PATJ: variants seen among roughly 807,000 people sequenced by gnomAD.
PATJ encodes the protein inaD-like protein.
PATJ carries 190 observed loss-of-function variants against 224.9 expected under a neutral mutation model. The ratio of observed to expected loss-of-function variants is 0.84; its 90% confidence interval spans 0.75 to 0.95. The LOEUF is 0.95. PATJ is among the 40% of genes least tolerant of loss of function. The pLI, the probability that PATJ is intolerant of heterozygous loss-of-function variation, is 0.00. For synonymous variants in PATJ, 769 were observed against 820.3 expected (o/e 0.94, Z 1.07); for missense variants, 2,121 against 2,270.3 (o/e 0.93, Z 1.34).
At chr1:61,978,223 T>TCCCTCCCTC (rs1644252145) in intron 27 of PATJ, among the ~76,000 whole-genome samples, 2 of 101,294 alleles carry the variant, frequency 2.0e-5, no homozygotes, top group Non-Finnish European at 3.9e-5. Flanking sequence ...CTTCCTTCCT[T>TCCCTCCCTC]CCTCCCTCCC....
chr1:62,108,831 C>T (rs1663449398), intron 34 of PATJ, among the ~76,000 whole-genome samples: 1 of 152,148 alleles, frequency 6.6e-6, no homozygotes, highest in African/African-American at 2.4e-5. Flanking sequence ...TTATACCCTA[C>T]TAAATTCCTC....
intron 8 of PATJ, among the ~76,000 whole-genome samples, chr1:61,790,587 C>T (rs990409839): frequency 7.0e-6 from 1 of 143,254 alleles, no homozygotes; most frequent in African/African-American, 2.6e-5. Context: ...GATCTCGGCT[C>T]ACTGCAACCT....
intron 31 of PATJ, among the ~76,000 whole-genome samples, chr1:62,066,727 C>T (rs1171016137): frequency 6.6e-6 from 1 of 152,108 alleles, no homozygotes; most frequent in East Asian, 1.9e-4. Flanking sequence ...TGACGCAAGA[C>T]CAGCCCATGC....
intron 31 of PATJ, among the ~76,000 whole-genome samples, chr1:62,057,404 A>G (rs1654729191): frequency 6.6e-6 from 1 of 152,146 alleles, no homozygotes; most frequent in Non-Finnish European, 1.5e-5. Context: ...CATGTTAAGC[A>G]CTGTGATCTC....
chr1:62,071,595 G>C (rs891895968), intron 31 of PATJ, among the ~76,000 whole-genome samples: 1 of 149,024 alleles, frequency 6.7e-6, no homozygotes, highest in African/African-American at 2.5e-5. Context: ...CCAGGTAAAA[G>C]CAATTCTTCT....
intron 28 of PATJ, among the ~76,000 whole-genome samples, chr1:62,012,099 A>C (rs1646485340): frequency 6.6e-6 from 1 of 151,998 alleles, no homozygotes; most frequent in Admixed American, 6.6e-5. Flanking sequence ...CATGTGTTGT[A>C]GTGACCTGGT....
chr1:62,078,785 A>C (rs1458228270), intron 31 of PATJ: 1 of 151,028 alleles, frequency 6.6e-6, no homozygotes, highest in Non-Finnish European at 1.5e-5. Context: ...TTCATCAAGC[A>C]CTTTATTGAG....
intron 7 of PATJ, among the ~76,000 whole-genome samples, chr1:61,776,747 A>G (rs1646933978): frequency 1.4e-5 from 2 of 147,120 alleles, no homozygotes; most frequent in South Asian, 4.3e-4. Context: ...TTTTTTTGAG[A>G]TGGAGTCTCG....
In PATJ at chr1:62,158,529, C is replaced by T. The variant is rs188799817; in HGVS notation, c.5503-2379C>T. On this transcript the variant is annotated intron_variant, in intron 43 of 43. Coordinates refer to ENST00000642238, the MANE Select transcript of PATJ (RefSeq NM_001350145.3). Reference sequence around the variant, plus strand: ...GGTCAGGAGATTGAGACCATCCTGGCTAACACGGTAAAAAACTCCGTCTCT... The same window carrying T: ...GGTCAGGAGATTGAGACCATCCTGGTTAACACGGTAAAAAACTCCGTCTCT... Among the ~76,000 whole-genome samples the T allele has an allele frequency of 2.1e-4, 31 of 148,394 alleles. 7 individuals carry two copies. Among genetic ancestry groups the T allele is most frequent in the Admixed American group, 1.7e-3 (24 of 14,056 alleles).
intron 31 of PATJ, among the ~76,000 whole-genome samples, chr1:62,071,054 G>GTCAGATTCAATTAAAAGCAAAAAACAAAC (rs1425109786): frequency 6.6e-6 from 1 of 152,176 alleles, no homozygotes; most frequent in East Asian, 1.9e-4. Context: ...GGCAGGGGAT[G>GTCAGATTCAATTAAAAGCAAAAAACAAAC]TCAGATTCAA....
intron 32 of PATJ, among the ~76,000 whole-genome samples, chr1:62,079,848 G>T (rs1262486080): frequency 6.6e-6 from 1 of 152,052 alleles, no homozygotes; most frequent in East Asian, 1.9e-4. Context: ...CCAACATGGT[G>T]AAACCCTGTC....
chr1:61,747,954 G>A (rs1053907408), intron 1 of PATJ, among the ~76,000 whole-genome samples: 15 of 152,142 alleles, frequency 9.9e-5, no homozygotes, highest in Non-Finnish European at 1.6e-4. Context: ...ACTCTGTTGC[G>A]AAGGCTGGAG....
intron 27 of PATJ, among the ~76,000 whole-genome samples, chr1:61,940,826 A>G (rs1386228113): frequency 6.6e-6 from 1 of 152,130 alleles, no homozygotes; most frequent in Non-Finnish European, 1.5e-5. Context: ...TTTGGAAGTC[A>G]GTTTTTTTAA....
At chr1:62,149,744 G>A (rs1288691643) in intron 42 of PATJ, among the ~76,000 whole-genome samples, 1 of 151,646 alleles carries the variant, frequency 6.6e-6, no homozygotes, top group African/African-American at 2.4e-5. Context: ...GGCAGGCTGG[G>A]AACCACAAGC....
chr1:61,890,507 T>G (rs977459426), intron 22 of PATJ, among the ~76,000 whole-genome samples: 1 of 151,998 alleles, frequency 6.6e-6, no homozygotes, highest in African/African-American at 2.4e-5. Flanking sequence ...TTTTCCTTCT[T>G]CTTCTTTGAG....
chr1:61,772,811 ATCTTCCTTTGAAGAT>A (rs1225129027), intron 6 of PATJ, among the ~76,000 whole-genome samples: 1 of 152,098 alleles, frequency 6.6e-6, no homozygotes, highest in African/African-American at 2.4e-5. Context: ...TTTACCTCAT[ATCTTCCTTTGAAGAT>A]ATGATGTCTA....
chr1:62,142,308 T>C (rs1037020401), intron 41 of PATJ, among the ~76,000 whole-genome samples: 1 of 152,074 alleles, frequency 6.6e-6, no homozygotes, highest in Non-Finnish European at 1.5e-5. Flanking sequence ...GCTCATGTCC[T>C]AGCAAACTGT....
intron 12 of PATJ, among the ~76,000 whole-genome samples, 179 bp downstream of exon 12, chr1:61,801,948 T>A (rs1287891087): frequency 1.3e-4 from 20 of 148,972 alleles, no homozygotes; most frequent in Admixed American, 9.3e-4. Flanking sequence ...TTTTTTTTTT[T>A]AATTGTACTT....
At chr1:61,809,280 G>A (rs1405974372) in intron 14 of PATJ, among the ~76,000 whole-genome samples, 1 of 152,078 alleles carries the variant, frequency 6.6e-6, no homozygotes, top group African/African-American at 2.4e-5. Context: ...AAGGAAAGAT[G>A]TTCTTGCCTG....
Sources: allele counts gnomAD v4.1 joint callset (sites outside exome capture counted in the v4.1 genomes callset), GRCh38; gene constraint gnomAD v4.1.1; transcripts MANE v1.5; gene names NCBI Gene and HGNC (gene_info 2026-07-23, HGNC 2026-07-21).